Variants in RBFOX1 observed in about 807,000 individuals in gnomAD.
The protein encoded by RBFOX1 is RNA binding fox-1 homolog 1, also known as RNA binding protein fox-1 homolog 1.
In RBFOX1, 8 loss-of-function variants were observed where a neutral mutation model predicts 57.7. The ratio of observed to expected loss-of-function variants is 0.14; its 90% CI spans 0.08 to 0.25. The LOEUF is 0.25. RBFOX1 is among the 10% of genes least tolerant of loss of function. The pLI, the probability that RBFOX1 is intolerant of heterozygous loss-of-function variation, is 1.00. For missense variants in RBFOX1, 611 were observed against 548.5 expected, an observed-to-expected ratio of 1.11 and a Z score of -1.14; for synonymous variants, 326 against 222.4, an observed-to-expected ratio of 1.47 and a Z score of -4.15.
At chr16:6,301,239 G>A (rs1482098747) in intron 1 of RBFOX1, among the ~76,000 whole-genome samples, 3 of 152,116 alleles carry the variant, frequency 2.0e-5, no homozygotes, top group Non-Finnish European at 4.4e-5. Flanking sequence ...GAATAATTCA[G>A]TATTTCATAT....
chr16:7,247,687 A>C (rs2153001300), intron 4 of RBFOX1, among the ~76,000 whole-genome samples: 1 of 152,358 alleles, frequency 6.6e-6, no homozygotes, highest in East Asian at 1.9e-4. Context: ...CTCTTAATTT[A>C]GCTGAAATGG....
At position 7,688,244 on chromosome 16, in the gene RBFOX1, TGTGTGTGTGTG is replaced by T. The variant is rs1598124564; in HGVS notation, c.995+11407_995+11417del. On this transcript the variant is annotated intron_variant, in intron 14 of 15. Coordinates refer to ENST00000550418, the MANE Select transcript of RBFOX1 (RefSeq NM_018723.4). The stretch of plus-strand genomic sequence containing the variant: ...AAATGTGTGTGTGTGTGTGTGTGTG[TGTGTGTGTGTG>T]TGTGTGAGAGAGAGAGAGAGAGAGA... 5.5e-5 allele frequency among the ~76,000 whole-genome samples: 8 copies of T among 145,976 alleles called. No individual in the cohort carries two copies. The East Asian group carries it at 1.7e-3, about 30-fold the overall frequency.
chr16:7,170,963 G>C (rs564977765), intron 4 of RBFOX1, among the ~76,000 whole-genome samples: 1 of 152,168 alleles, frequency 6.6e-6, no homozygotes, highest in African/African-American at 2.4e-5. Context: ...GTTTCCTTTT[G>C]CAGGTGATCC....
At chr16:6,970,228 G>A (rs1395804953) in intron 3 of RBFOX1, among the ~76,000 whole-genome samples, 1 of 151,742 alleles carries the variant, frequency 6.6e-6, no homozygotes, top group Non-Finnish European at 1.5e-5. Flanking sequence ...AAAAACCCAT[G>A]AAAAACCAAA....
At chr16:6,911,642 G>A (rs1183583163) in intron 3 of RBFOX1, among the ~76,000 whole-genome samples, 1 of 152,172 alleles carries the variant, frequency 6.6e-6, no homozygotes, top group African/African-American at 2.4e-5. Flanking sequence ...AAGGGGTTGG[G>A]CTTCAACATC....
chr16:6,202,686 G>T (rs2097222599), intron 1 of RBFOX1, among the ~76,000 whole-genome samples: 1 of 152,030 alleles, frequency 6.6e-6, no homozygotes, highest in Non-Finnish European at 1.5e-5. Flanking sequence ...ATACATCCAG[G>T]AAACCATCAC....
chr16:5,826,685 C>T (rs1402070781), intron 3 of RBFOX1, among the ~76,000 whole-genome samples: 2 of 152,212 alleles, frequency 1.3e-5, no homozygotes, highest in Non-Finnish European at 2.9e-5. Context: ...TTATTAGATT[C>T]ACTGCTGTGT....
chr16:5,611,623 C>A (rs2047789514), intron 3 of RBFOX1, among the ~76,000 whole-genome samples: 1 of 152,076 alleles, frequency 6.6e-6, no homozygotes, highest in Non-Finnish European at 1.5e-5. Flanking sequence ...TTCACCTATC[C>A]ATCTGTTCAT....
At chr16:6,862,724 C>G (rs2059231298) in intron 3 of RBFOX1, among the ~76,000 whole-genome samples, 1 of 152,264 alleles carries the variant, frequency 6.6e-6, no homozygotes, top group Non-Finnish European at 1.5e-5. Flanking sequence ...GTGGCTCACA[C>G]CTGTAATCCC....
rs1261999883 is a variant in RBFOX1, at chr16:6,780,293, ATATT to A, written c.-16+125647_-16+125650del. 1.0e-4 allele frequency among the ~76,000 whole-genome samples: 5 copies of A among 50,144 alleles called. 1 individual carries two copies. The highest frequency in any genetic ancestry group is 2.0e-3 in the East Asian group (1 of 500). 32.9% of individuals were successfully genotyped at this position (50,144 alleles called of 152,430 possible). On this transcript the variant is annotated intron_variant, in intron 3 of 15. Coordinates refer to ENST00000550418, the MANE Select transcript of RBFOX1 (RefSeq NM_018723.4). ...TACATATATATATTTATACATATAT[ATATT>A]TATACATATATATATTTATTCATAT...
intron 3 of RBFOX1, among the ~76,000 whole-genome samples, chr16:6,804,504 T>G (rs1317915444): frequency 6.6e-6 from 1 of 152,158 alleles, no homozygotes; most frequent in African/African-American, 2.4e-5. Context: ...TCTAGGTGCA[T>G]AAATAATCTT....
At chr16:6,478,925 T>A (rs547651439) in intron 2 of RBFOX1, among the ~76,000 whole-genome samples, 6 of 152,256 alleles carry the variant, frequency 3.9e-5, no homozygotes, top group African/African-American at 1.4e-4. Flanking sequence ...ATTGTGAGAT[T>A]TACCCAAATG....
At chr16:6,940,879 G>GTGTT (rs1555653224) in intron 3 of RBFOX1, among the ~76,000 whole-genome samples, 13,752 of 138,574 alleles carry the variant, frequency 0.099, 1,005 homozygotes, top group Middle Eastern at 0.17. Context: ...GTGTGTGTGT[G>GTGTT]TGTGTGTGTG....
chr16:7,202,551 C>A (rs1039444765), intron 4 of RBFOX1, among the ~76,000 whole-genome samples: 10 of 152,172 alleles, frequency 6.6e-5, no homozygotes, highest in African/African-American at 2.4e-4. Context: ...GGTGTATGGC[C>A]TGTTAGGAAT....
At chr16:6,532,763 C>T (rs1322471131) in intron 2 of RBFOX1, among the ~76,000 whole-genome samples, 2 of 152,162 alleles carry the variant, frequency 1.3e-5, no homozygotes, top group Non-Finnish European at 2.9e-5. Context: ...CTTTTTAGGG[C>T]ATTTACCGTC....
At chr16:7,034,250 T>A (rs2043622650) in intron 3 of RBFOX1, among the ~76,000 whole-genome samples, 1 of 152,188 alleles carries the variant, frequency 6.6e-6, no homozygotes. Flanking sequence ...TGCTCTCATC[T>A]GTTCAAGGGG....
At chr16:6,116,570 G>A (rs962279271) in intron 1 of RBFOX1, among the ~76,000 whole-genome samples, 10 of 152,210 alleles carry the variant, frequency 6.6e-5, no homozygotes, top group Admixed American at 6.5e-4. Context: ...GATGAAGCCA[G>A]TGCAGGTGAG....
At chr16:5,804,060 C>T (rs1047485470) in intron 3 of RBFOX1, among the ~76,000 whole-genome samples, 6 of 152,172 alleles carry the variant, frequency 3.9e-5, no homozygotes, top group African/African-American at 1.2e-4. Flanking sequence ...ATCTATTCTT[C>T]CAGGATCAAA....
intron 3 of RBFOX1, among the ~76,000 whole-genome samples, chr16:6,901,557 G>A (rs551408878): frequency 2.6e-5 from 4 of 152,312 alleles, no homozygotes; most frequent in African/African-American, 7.2e-5. Context: ...TTTTGTTTAT[G>A]TAGTGGAATG....
Sources: allele counts gnomAD v4.1 joint callset (sites outside exome capture counted in the v4.1 genomes callset), GRCh38; gene constraint gnomAD v4.1.1; transcripts MANE v1.5; gene names NCBI Gene and HGNC (gene_info 2026-07-23, HGNC 2026-07-21).